Variants in EXOC6 observed in about 807,000 individuals in gnomAD.
EXOC6 encodes SEC15-like 1.
A neutral mutation model predicts 112.5 loss-of-function variants in EXOC6; 60 were observed. The observed-to-expected ratio is 0.53, with a 90% confidence interval of 0.43 to 0.66. The LOEUF (loss-of-function observed/expected upper bound fraction) is 0.66. Ranked by LOEUF, EXOC6 falls within the 30% of genes least tolerant of loss-of-function variation. EXOC6 has a pLI of 0.00. For synonymous variants in EXOC6, 295 were observed against 308.0 expected (o/e 0.96, Z 0.44); for missense variants, 855 against 957.1 (o/e 0.89, Z 1.41).
chr10:92,963,997 CT>C (rs35778687), intron 17 of EXOC6, among the ~76,000 whole-genome samples: 1 of 149,922 alleles, frequency 6.7e-6, no homozygotes, highest in African/African-American at 2.4e-5. Flanking sequence ...GCCTAATACT[CT>C]TTTTTAAAAA....
intron 21 of EXOC6, 133 bp from the exon 22 acceptor site, chr10:93,058,090 A>G: frequency 1.4e-6 from 1 of 706,216 alleles, no homozygotes; most frequent in Non-Finnish European, 2.2e-6. Context: ...TTTAGTATCT[A>G]CTTTCTTTGA....
intron 1 of EXOC6, among the ~76,000 whole-genome samples, chr10:92,886,427 T>C (rs1197620570): frequency 6.6e-6 from 1 of 152,224 alleles, no homozygotes; most frequent in East Asian, 1.9e-4. Flanking sequence ...TGATTTCACC[T>C]GATGGGTGCA....
At chr10:92,958,534 T>A (rs1853816794) in intron 17 of EXOC6, among the ~76,000 whole-genome samples, 1 of 152,218 alleles carries the variant, frequency 6.6e-6, no homozygotes, top group Admixed American at 6.5e-5. Flanking sequence ...CTTTTAGGAT[T>A]GTGGCTGAAG....
chr10:92,934,109 A>T, intron 9 of EXOC6, 35 bp from the exon 10 acceptor site: 1 of 1,278,722 alleles, frequency 7.8e-7, no homozygotes, highest in Non-Finnish European at 1.1e-6. Flanking sequence ...ACCAGTATTT[A>T]TTGGTTTAAA....
At chr10:92,931,429 G>T (rs1303163437) in intron 9 of EXOC6, among the ~76,000 whole-genome samples, 1 of 148,392 alleles carries the variant, frequency 6.7e-6, no homozygotes, top group African/African-American at 2.4e-5. Flanking sequence ...ATATCTATGG[G>T]ACATAGAGTG....
At chr10:92,961,140 T>C (rs1437669413) in intron 17 of EXOC6, among the ~76,000 whole-genome samples, 1 of 152,176 alleles carries the variant, frequency 6.6e-6, no homozygotes, top group African/African-American at 2.4e-5. Flanking sequence ...TTATAATGTT[T>C]TGTTGTTTTA....
intron 18 of EXOC6, 134 bp from the exon 19 acceptor site, chr10:92,997,340 G>A: frequency 3.0e-6 from 2 of 672,462 alleles, no homozygotes; most frequent in Non-Finnish European, 4.6e-6. Context: ...TACAGAAACA[G>A]GAAGGAAAGT....
chr10:93,051,516 A>T (rs1045750285), intron 20 of EXOC6, among the ~76,000 whole-genome samples: 1 of 152,224 alleles, frequency 6.6e-6, no homozygotes, highest in African/African-American at 2.4e-5. Context: ...TTTGTATTGT[A>T]GTTATTGCCT....
intron 20 of EXOC6, among the ~76,000 whole-genome samples, chr10:93,015,619 GC>G (rs1211037636): frequency 2.0e-5 from 3 of 152,228 alleles, no homozygotes; most frequent in Admixed American, 6.5e-5. Context: ...TGTAGTCCCA[GC>G]TACTGGGGAG....
At chr10:92,919,818 A>G (rs1004566399) in intron 7 of EXOC6, among the ~76,000 whole-genome samples, 164 bp from the exon 8 acceptor site, 3 of 152,192 alleles carry the variant, frequency 2.0e-5, no homozygotes, top group South Asian at 4.1e-4. Context: ...CCAAAACAAA[A>G]TAAAGAAGGT....
intron 20 of EXOC6, among the ~76,000 whole-genome samples, chr10:93,016,497 C>T (rs1368391915): frequency 1.3e-5 from 2 of 152,094 alleles, no homozygotes; most frequent in African/African-American, 4.8e-5. Flanking sequence ...ACATACTTCC[C>T]CAAATTTCAG....
chr10:93,009,523 C>G (rs1452317025), intron 19 of EXOC6, among the ~76,000 whole-genome samples: 1 of 152,156 alleles, frequency 6.6e-6, no homozygotes, highest in Non-Finnish European at 1.5e-5. Context: ...GACAGATAAA[C>G]AATTACAAGG....
At chr10:92,924,462 G>A (rs1409119080) in intron 8 of EXOC6, among the ~76,000 whole-genome samples, 1 of 152,038 alleles carries the variant, frequency 6.6e-6, no homozygotes, top group South Asian at 2.1e-4. Context: ...CGATAAAGTG[G>A]GTAAAGCTGT....
chr10:92,827,406 G>A (rs896815669), intron 1 of EXOC6, among the ~76,000 whole-genome samples: 1 of 145,072 alleles, frequency 6.9e-6, no homozygotes, highest in African/African-American at 2.5e-5. Flanking sequence ...CCCAGGAGGC[G>A]GAGGTTGCAG....
intron 18 of EXOC6, among the ~76,000 whole-genome samples, chr10:92,975,026 C>G (rs1193605462): frequency 2.6e-5 from 4 of 151,690 alleles, no homozygotes; most frequent in Non-Finnish European, 5.9e-5. Flanking sequence ...CCTGGTCGCC[C>G]ATTGTCTGGG....
At chr10:92,992,287 C>CAAA (rs35924745) in intron 18 of EXOC6, among the ~76,000 whole-genome samples, 1,088 of 73,710 alleles carry the variant, frequency 0.015, 33 homozygotes, top group Non-Finnish European at 0.019. Flanking sequence ...GACTCTGTCT[C>CAAA]AAAAAAAAAA....
intron 13 of EXOC6, among the ~76,000 whole-genome samples, chr10:92,948,047 A>G (rs373688662): frequency 4.0e-5 from 6 of 149,260 alleles, no homozygotes; most frequent in African/African-American, 1.5e-4. Context: ...AGAGGTTGTA[A>G]AACAAGCTAG....
chr10:92,995,753 C>T (rs1012980137), intron 18 of EXOC6, among the ~76,000 whole-genome samples: 8 of 152,090 alleles, frequency 5.3e-5, no homozygotes, highest in Admixed American at 1.3e-4. Context: ...TTGTTACATT[C>T]CTTTTTGGCA....
At chr10:92,924,846 A>G (rs533518974) in intron 8 of EXOC6, among the ~76,000 whole-genome samples, 47 of 152,180 alleles carry the variant, frequency 3.1e-4, no homozygotes, top group Admixed American at 1.4e-3. Context: ...TGAATCTCCA[A>G]TGTTCATTAT....
Sources: allele counts gnomAD v4.1 joint callset (sites outside exome capture counted in the v4.1 genomes callset), GRCh38; gene constraint gnomAD v4.1.1; transcripts MANE v1.5; gene names NCBI Gene and HGNC (gene_info 2026-07-23, HGNC 2026-07-21).